The following PCDHA3 variants were observed in gnomAD, a reference collection of about 807,000 sequenced individuals.
PCDHA3 encodes the protein protocadherin alpha-3.
In PCDHA3, 41 loss-of-function variants were observed where a neutral mutation model predicts 62.2. That is an observed-to-expected ratio of 0.66 (90% confidence interval 0.51 to 0.86). The LOEUF is 0.86. Among genes scored for constraint, PCDHA3 ranks in the 40% least tolerant of loss-of-function variants. PCDHA3 has a pLI of 0.00. For missense variants in PCDHA3, 1,304 were observed against 1,241.2 expected, an observed-to-expected ratio of 1.05 and a Z score of -0.76; for synonymous variants, 640 against 555.4, an observed-to-expected ratio of 1.15 and a Z score of -2.14.
At chr5:140,870,773 A>C (rs1554164699) in intron 1 of PCDHA3, 1 of 1,613,598 alleles carries the variant, frequency 6.2e-7, no homozygotes, top group Admixed American at 1.7e-5. Context: ...GTGCTGGACG[A>C]GAACGACAAC....
chr5:140,851,348 A>G (rs2042033345), intron 1 of PCDHA3: 1 of 977,536 alleles, frequency 1.0e-6, no homozygotes, highest in African/African-American at 1.7e-5. Context: ...ATTTCTCTGG[A>G]TGGAGACTGT....
intron 1 of PCDHA3, chr5:140,877,800 T>C (rs2057344527): frequency 6.2e-7 from 1 of 1,613,404 alleles, no homozygotes; most frequent in Non-Finnish European, 8.5e-7. Context: ...GCCCAAGCCT[T>C]CAGCTGTCTC....
intron 3 of PCDHA3, among the ~76,000 whole-genome samples, chr5:140,993,470 ACAC>A: frequency 8.7e-6 from 1 of 115,268 alleles, no homozygotes; most frequent in South Asian, 2.9e-4. Context: ...TCTCACACAC[ACAC>A]ACACACACAC....
At chr5:140,987,560 G>A (rs2097259227) in intron 3 of PCDHA3, among the ~76,000 whole-genome samples, 36 of 152,130 alleles carry the variant, frequency 2.4e-4, no homozygotes, top group Admixed American at 2.4e-3. Flanking sequence ...CTGATTCTCA[G>A]TTTCTTTCTC....
At position 140,829,501 on chromosome 5, in the gene PCDHA3, G is replaced by C. The variant is rs2150169011; in HGVS notation, c.2394+25910G>C. 1.4e-5 allele frequency: 23 copies of C among 1,613,442 alleles called. No individual in the cohort carries two copies. The East Asian group carries it at 2.2e-4, about 16-fold the overall frequency. ...TGTTCGTGAAGGAGAACAACCCGCC[G>C]GGCTGCCACATCTTCACGGTGTCTG... On this transcript the variant is annotated intron_variant, in intron 1 of 3. Transcript: ENST00000522353.
Position 140,809,052 on chromosome 5 carries a change from TC to T in PCDHA3, c.2394+5463del, listed in dbSNP as rs1764348269. On this transcript the variant is annotated intron_variant, in intron 1 of 3. Transcript: ENST00000522353. ...GGGACTGGTGGCGCGCGCATCCCGTTCCGCGTGGGGCTGTACACTGGCGAGA... is the reference window on the plus strand; with the variant it reads ...GGGACTGGTGGCGCGCGCATCCCGTTCGCGTGGGGCTGTACACTGGCGAGA... 5.0e-6 allele frequency: 8 copies of T among 1,613,874 alleles called. No homozygotes were observed. The East Asian group carries it at 1.8e-4, about 36-fold the overall frequency.
At chr5:140,993,462 T>TCACACACA (rs3836747) in intron 3 of PCDHA3, among the ~76,000 whole-genome samples, 2,160 of 141,010 alleles carry the variant, frequency 0.015, 29 homozygotes, top group Admixed American at 0.024. Flanking sequence ...TCTTTCTTTC[T>TCACACACA]CACACACACA....
chr5:140,851,140 G>C, intron 1 of PCDHA3: 1 of 1,310,362 alleles, frequency 7.6e-7, no homozygotes, highest in Non-Finnish European at 9.9e-7. Flanking sequence ...TGATTAAAGT[G>C]ACATTGAATT....
chr5:140,899,969 A>G (rs2067649868), intron 1 of PCDHA3, among the ~76,000 whole-genome samples: 1 of 151,820 alleles, frequency 6.6e-6, no homozygotes, highest in African/African-American at 2.4e-5. Flanking sequence ...TGCCATGCCC[A>G]GCTACTTTTT....
At chr5:141,000,103 G>A (rs551643743) in intron 3 of PCDHA3, among the ~76,000 whole-genome samples, 15 of 152,186 alleles carry the variant, frequency 9.9e-5, no homozygotes, top group Admixed American at 5.2e-4. Context: ...GCTCAACTCC[G>A]TCTCTTCCCT....
chr5:140,829,709 G>T (rs1362946626), intron 1 of PCDHA3: 3 of 1,613,434 alleles, frequency 1.9e-6, no homozygotes, highest in Non-Finnish European at 1.7e-6. Context: ...CGCGCGCGAC[G>T]CGGGCGTGCC....
At chr5:140,835,661 C>T (rs782249131) in intron 1 of PCDHA3, 1 of 1,613,886 alleles carries the variant, frequency 6.2e-7, no homozygotes, top group Non-Finnish European at 8.5e-7. Context: ...TGGTGGTTAC[C>T]GCGCGGGACG....
At position 141,010,449 on chromosome 5, in the gene PCDHA3, C is replaced by T. The variant is rs764975082; in HGVS notation, c.*512C>T. ...CAAGAAAACAAAGACAAATAAACAG[C>T]GGAAGTTATCAGTATGGAGGGGAAG... On this transcript the variant is annotated 3_prime_UTR_variant, in exon 4 of 4. Coordinates refer to ENST00000522353, the MANE Select transcript of PCDHA3 (RefSeq NM_018906.3). 14 of 915,348 alleles carry T rather than the reference C, an allele frequency of 1.5e-5. No homozygotes were observed. Among genetic ancestry groups the T allele is most frequent in the Non-Finnish European group, 2.1e-5 (13 of 631,774 alleles). 56.7% of individuals were successfully genotyped at this position (915,348 alleles called of 1,614,324 possible).
intron 1 of PCDHA3, among the ~76,000 whole-genome samples, chr5:140,954,141 T>C (rs1344784554): frequency 2.0e-5 from 3 of 152,208 alleles, no homozygotes; most frequent in Non-Finnish European, 4.4e-5. Flanking sequence ...TGCATAGTAT[T>C]CCATGGTGTA....
Position 140,803,585 on chromosome 5 carries a change from A to C in PCDHA3, c.2388A>C (p.Ser796=). The change falls in exon 1 of 4, where the codon TCA becomes TCC. Residue 796 remains serine, a synonymous_variant. Transcript: ENST00000522353. ...EEKQDVDVDL[S]AKPRQPNPDW... is the part of the protein sequence containing the mutation. ...AACAGGATGTGGACGTTGATCTCTC[A>C]GCCAAAGTGAGTAATTTTTATTTAT... 6.2e-7 allele frequency: 1 copy of C among 1,614,244 alleles called. No homozygotes were observed. The highest frequency in any genetic ancestry group is 2.2e-5 in the East Asian group (1 of 44,884).
intron 1 of PCDHA3, among the ~76,000 whole-genome samples, chr5:140,899,276 A>G (rs1402457704): frequency 2.8e-4 from 42 of 152,318 alleles, no homozygotes; most frequent in African/African-American, 9.4e-4. Flanking sequence ...GGCAGTTTTC[A>G]AAGGGAATAC....
intron 1 of PCDHA3, chr5:140,869,085 G>C (rs1223648721): frequency 6.3e-7 from 1 of 1,583,562 alleles, no homozygotes; most frequent in Non-Finnish European, 8.6e-7. Flanking sequence ...GCTTATTTTG[G>C]AAGCCAATTT....
Position 140,857,830 on chromosome 5 carries a change from C to T in PCDHA3, c.2394+54239C>T, listed in dbSNP as rs782060681. ...CGGGTCACGTGGTGGCTAAGGTGCG[C>T]GCAGTGGACGCTGACTCTGGATACA... On this transcript the variant is annotated intron_variant, in intron 1 of 3. Coordinates refer to ENST00000522353, the MANE Select transcript of PCDHA3 (RefSeq NM_018906.3). The T allele has an allele frequency of 3.1e-6, 5 of 1,597,596 alleles. 1 individual carries two copies. Among genetic ancestry groups the T allele is most frequent in the African/African-American group, 2.7e-5 (2 of 74,244 alleles).
intron 1 of PCDHA3, chr5:140,807,700 A>C: frequency 1.2e-6 from 2 of 1,614,208 alleles, no homozygotes; most frequent in Non-Finnish European, 1.7e-6. Context: ...TCACTTACAG[A>C]CTGAGCCCAA....
Sources: gnomAD v4.1 joint callset for allele counts (sites outside exome capture counted in the v4.1 genomes callset) on GRCh38, gnomAD v4.1.1 for gene constraint, MANE v1.5 for transcripts, NCBI Gene and HGNC (gene_info 2026-07-23, HGNC 2026-07-21) for gene names.